The following FER variants were observed in gnomAD, a reference collection of about 807,000 sequenced individuals.
FER encodes tyrosine-protein kinase Fer.
FER carries 63 observed loss-of-function variants against 111.0 expected under a neutral mutation model. That is an observed-to-expected ratio of 0.57 (90% CI 0.46 to 0.70). The LOEUF (loss-of-function observed/expected upper bound fraction) is 0.70. Among genes scored for constraint, FER ranks in the 30% least tolerant of loss-of-function variants. The probability of loss-of-function intolerance (pLI) is 0.00; values close to 1 mark genes in which losing one functional copy is unlikely to be tolerated. For synonymous variants in FER, 327 were observed against 313.9 expected (o/e 1.04, Z -0.44); for missense variants, 914 against 954.0 (o/e 0.96, Z 0.55).
chr5:109,034,447 T>C (rs983122442), intron 13 of FER, among the ~76,000 whole-genome samples: 4 of 151,956 alleles, frequency 2.6e-5, no homozygotes, highest in African/African-American at 9.7e-5. Context: ...AAGCCTGGGG[T>C]ATTTTATCAG....
At chr5:109,075,179 T>G (rs17161593) in intron 16 of FER, among the ~76,000 whole-genome samples, 17,870 of 152,108 alleles carry the variant, frequency 0.12, 1,119 homozygotes, top group African/African-American at 0.13. Context: ...TGTTCTTTTT[T>G]AAAGAGTAAT....
intron 16 of FER, among the ~76,000 whole-genome samples, chr5:109,090,280 C>T (rs1778021070): frequency 6.6e-6 from 1 of 152,144 alleles, no homozygotes; most frequent in African/African-American, 2.4e-5. Flanking sequence ...ATTACATGCA[C>T]AATCTCAAGT....
chr5:108,791,885 C>CA (rs796787324), intron 2 of FER, among the ~76,000 whole-genome samples: 5 of 152,312 alleles, frequency 3.3e-5, no homozygotes, highest in African/African-American at 9.6e-5. Flanking sequence ...CATCCTGCTT[C>CA]ATTGTTTTGC....
chr5:109,027,692 C>T (rs1581708356), intron 13 of FER, among the ~76,000 whole-genome samples: 1 of 151,836 alleles, frequency 6.6e-6, no homozygotes, highest in African/African-American at 2.4e-5. Flanking sequence ...CCATCTGTAC[C>T]CTGTAGCAGT....
At chr5:108,819,805 A>T (rs1029239835) in intron 3 of FER, 1 of 985,092 alleles carries the variant, frequency 1.0e-6, no homozygotes, top group Non-Finnish European at 1.2e-6. Context: ...TATATAGATT[A>T]GTTTATACCT....
intron 17 of FER, among the ~76,000 whole-genome samples, chr5:109,159,014 A>C (rs1308352985): frequency 1.3e-5 from 2 of 152,186 alleles, no homozygotes; most frequent in Non-Finnish European, 2.9e-5. Context: ...TAGATAAAAC[A>C]AAAGGGATAT....
intron 16 of FER, among the ~76,000 whole-genome samples, chr5:109,079,943 T>A (rs1776795225): frequency 6.6e-6 from 1 of 152,124 alleles, no homozygotes; most frequent in Non-Finnish European, 1.5e-5. Flanking sequence ...GTAGTTTTTG[T>A]TTGCCAGCCT....
At chr5:109,086,742 G>A (rs1777607224) in intron 16 of FER, among the ~76,000 whole-genome samples, 2 of 150,910 alleles carry the variant, frequency 1.3e-5, no homozygotes, top group African/African-American at 4.9e-5. Context: ...TTTTTCTTGT[G>A]GTTTCTTTCA....
At chr5:108,973,716 T>C (rs1215080399) in intron 13 of FER, among the ~76,000 whole-genome samples, 1 of 152,180 alleles carries the variant, frequency 6.6e-6, no homozygotes, top group Non-Finnish European at 1.5e-5. Context: ...CTTCACACCA[T>C]AGCTCTCATT....
At chr5:108,986,261 G>A (rs1008600296) in intron 13 of FER, among the ~76,000 whole-genome samples, 3 of 148,372 alleles carry the variant, frequency 2.0e-5, no homozygotes, top group Non-Finnish European at 4.5e-5. Flanking sequence ...TATTCATGTC[G>A]TTAGCCCACT....
intron 10 of FER, among the ~76,000 whole-genome samples, chr5:108,940,630 G>A (rs192631805): frequency 1.3e-5 from 2 of 152,124 alleles, no homozygotes; most frequent in African/African-American, 4.8e-5. Context: ...AGCATCAGGT[G>A]TAGGCCGATG....
At chr5:108,824,782 T>A (rs906694322) in intron 3 of FER, among the ~76,000 whole-genome samples, 1 of 152,220 alleles carries the variant, frequency 6.6e-6, no homozygotes, top group Non-Finnish European at 1.5e-5. Flanking sequence ...CACAGGTTTC[T>A]ACATACGAGA....
chr5:108,828,274 G>T (rs950343124), intron 3 of FER, among the ~76,000 whole-genome samples: 6 of 152,126 alleles, frequency 3.9e-5, no homozygotes, highest in Non-Finnish European at 4.4e-5. Flanking sequence ...AATTCAGGAG[G>T]TATAAATAGG....
At chr5:109,086,777 T>C (rs945741589) in intron 16 of FER, among the ~76,000 whole-genome samples, 10 of 151,510 alleles carry the variant, frequency 6.6e-5, no homozygotes, top group African/African-American at 1.9e-4. Context: ...TTCCATGATA[T>C]ATTAGTTTGC....
intron 10 of FER, among the ~76,000 whole-genome samples, chr5:108,909,048 A>G (rs1047835052): frequency 1.3e-5 from 2 of 152,124 alleles, no homozygotes; most frequent in African/African-American, 2.4e-5. Context: ...AAACAAAACA[A>G]TTATGTTTGA....
At chr5:109,145,411 A>T (rs1753979022) in intron 17 of FER, among the ~76,000 whole-genome samples, 1 of 152,080 alleles carries the variant, frequency 6.6e-6, no homozygotes, top group African/African-American at 2.4e-5. Flanking sequence ...ACTTTCTCAT[A>T]TCATTTTATG....
chr5:108,959,292 C>G lies in FER; in HGVS notation c.1601C>G (p.Thr534Arg). 6.2e-7 allele frequency: 1 copy of G among 1,611,954 alleles called. No individual in the cohort carries two copies. The highest frequency in any genetic ancestry group is 8.5e-7 in the Non-Finnish European group (1 of 1,178,698). Residue 534 changes from threonine to arginine, a missense_variant, in exon 13 of 20, where the codon ACA (threonine) becomes AGA (arginine). Around this residue, in one of 3 missense-constraint regions of FER, gnomAD observed 774 missense variants for 782.6 expected, o/e 0.99. Transcript: ENST00000281092. ...CAACTTATAGATCATCACTATACAA[C>G]AAAACAGGTCATCACTAAGAAATCA... Reference protein sequence around the residue: ...IPQLIDHHYTTKQVITKKSGV... With the variant: ...IPQLIDHHYTRKQVITKKSGV...
At chr5:109,175,893 C>A (rs936425478) in intron 17 of FER, among the ~76,000 whole-genome samples, 1 of 152,112 alleles carries the variant, frequency 6.6e-6, no homozygotes, top group Non-Finnish European at 1.5e-5. Flanking sequence ...GTGGGAGAAT[C>A]GCATGAACGT....
rs1422079975 is a variant in FER at position 108,970,153 on chromosome 5, A to G, written c.1656+10806A>G. 2.0e-5 allele frequency among the ~76,000 whole-genome samples: 3 copies of G among 148,368 alleles called. 1 individual carries two copies. Among genetic ancestry groups the G allele is most frequent in the African/African-American group, 7.9e-5 (3 of 37,786 alleles). ...TGCGTAACTAAAACAAGTTTTCCAA[A>G]CACTGTTTTATGCTTCCTAAATGAG... On this transcript the variant is annotated intron_variant, in intron 13 of 19. Transcript: ENST00000281092.
Sources: gnomAD v4.1 joint callset for allele counts (sites outside exome capture counted in the v4.1 genomes callset) on GRCh38, gnomAD v4.1.1 for gene constraint, gnomAD v4.1.1 regional missense constraint, MANE v1.5 for transcripts, NCBI Gene and HGNC (gene_info 2026-07-23, HGNC 2026-07-21) for gene names.